The following PTPRD variants were observed in gnomAD, a reference collection of about 807,000 sequenced individuals.
The protein encoded by PTPRD is protein tyrosine phosphatase receptor type D.
A neutral mutation model predicts 214.5 loss-of-function variants in PTPRD; 34 were observed. That is an observed-to-expected ratio of 0.16 (90% CI 0.12 to 0.21). The LOEUF (loss-of-function observed/expected upper bound fraction) is 0.21. Ranked by LOEUF, PTPRD falls within the 10% of genes least tolerant of loss-of-function variation. The pLI is 1.00. For missense variants in PTPRD, 2,545 were observed against 2,398.7 expected (o/e 1.06, Z -1.27); for synonymous variants, 1,128 against 845.7 (o/e 1.33, Z -5.79).
intron 3 of PTPRD, among the ~76,000 whole-genome samples, chr9:10,259,972 G>C (rs549345684): frequency 6.6e-6 from 1 of 152,308 alleles, no homozygotes; most frequent in South Asian, 2.1e-4. Context: ...CAGTGGAGCT[G>C]AGTTCATCTC....
chr9:8,773,622 A>T (rs575328973), intron 11 of PTPRD, among the ~76,000 whole-genome samples: 40 of 152,298 alleles, frequency 2.6e-4, no homozygotes, highest in African/African-American at 8.9e-4. Flanking sequence ...AAAATCTGAT[A>T]ATGTAAATCC....
intron 3 of PTPRD, among the ~76,000 whole-genome samples, chr9:10,167,023 GAA>G (rs1564267494): frequency 6.6e-6 from 1 of 151,904 alleles, no homozygotes; most frequent in African/African-American, 2.4e-5. Flanking sequence ...TTCACTTTCA[GAA>G]TTGTTATTAA....
At chr9:9,909,424 A>T (rs1287799469) in intron 5 of PTPRD, among the ~76,000 whole-genome samples, 1 of 150,450 alleles carries the variant, frequency 6.6e-6, no homozygotes, top group Admixed American at 6.7e-5. Context: ...AAATATTTAC[A>T]TATCTGTATA....
chr9:8,403,099 C>A (rs1023838395), intron 36 of PTPRD, among the ~76,000 whole-genome samples: 6 of 152,024 alleles, frequency 3.9e-5, no homozygotes. Flanking sequence ...GTATTAATGG[C>A]CTATGGTGCC....
chr9:8,899,735 G>A (rs549095736), intron 11 of PTPRD, among the ~76,000 whole-genome samples: 1 of 152,304 alleles, frequency 6.6e-6, no homozygotes, highest in African/African-American at 2.4e-5. Context: ...TCACAATGGG[G>A]ATTGCTAAAT....
chr9:9,118,894 G>A (rs182668025), intron 10 of PTPRD, among the ~76,000 whole-genome samples: 3 of 152,162 alleles, frequency 2.0e-5, no homozygotes, highest in Non-Finnish European at 4.4e-5. Context: ...TCTAACAAAA[G>A]TGATGCACAT....
chr9:9,123,440 C>T (rs945137164), intron 10 of PTPRD, among the ~76,000 whole-genome samples: 60 of 152,154 alleles, frequency 3.9e-4, no homozygotes, highest in African/African-American at 1.4e-3. Flanking sequence ...AGACTGACAG[C>T]TACATGCTAT....
chr9:8,716,884 A>C (rs1033261103), intron 12 of PTPRD, among the ~76,000 whole-genome samples: 6 of 152,202 alleles, frequency 3.9e-5, no homozygotes, highest in Non-Finnish European at 2.9e-5. Context: ...ATGAATAAAT[A>C]AACTTGTATG....
intron 2 of PTPRD, among the ~76,000 whole-genome samples, chr9:10,558,107 A>G (rs1411987091): frequency 2.0e-5 from 3 of 152,174 alleles, no homozygotes; most frequent in African/African-American, 4.8e-5. Context: ...CAAATTCCTT[A>G]AACTGGACAA....
At chr9:8,351,619 T>C (rs900099891) in intron 39 of PTPRD, among the ~76,000 whole-genome samples, 2 of 151,802 alleles carry the variant, frequency 1.3e-5, no homozygotes, top group African/African-American at 4.8e-5. Flanking sequence ...GTCTGGGTGA[T>C]GTTGGCAGCT....
At chr9:8,890,149 A>C (rs184466547) in intron 11 of PTPRD, among the ~76,000 whole-genome samples, 1 of 152,352 alleles carries the variant, frequency 6.6e-6, no homozygotes, top group African/African-American at 2.4e-5. Flanking sequence ...AATATATGTC[A>C]GAATATTCTC....
At chr9:8,751,000 G>A (rs1159906867) in intron 11 of PTPRD, among the ~76,000 whole-genome samples, 1 of 152,142 alleles carries the variant, frequency 6.6e-6, no homozygotes, top group Non-Finnish European at 1.5e-5. Context: ...CTTGGACATA[G>A]CCATTAAGCT....
intron 9 of PTPRD, among the ~76,000 whole-genome samples, chr9:9,325,613 A>G (rs551720189): frequency 7.2e-5 from 11 of 152,286 alleles, no homozygotes; most frequent in Non-Finnish European, 1.5e-4. Context: ...GGGGTTTTCT[A>G]GATATACAAT....
intron 10 of PTPRD, among the ~76,000 whole-genome samples, chr9:9,081,701 T>C (rs1041409659): frequency 6.6e-6 from 1 of 152,112 alleles, no homozygotes; most frequent in Non-Finnish European, 1.5e-5. Flanking sequence ...CATATATATT[T>C]AGGAGAGTTA....
intron 10 of PTPRD, among the ~76,000 whole-genome samples, chr9:9,148,514 A>T (rs1403664591): frequency 6.6e-6 from 1 of 152,206 alleles, no homozygotes; most frequent in Non-Finnish European, 1.5e-5. Flanking sequence ...CGTGTCATGA[A>T]CACCAAGTAC....
intron 3 of PTPRD, among the ~76,000 whole-genome samples, chr9:10,219,483 A>T (rs913194283): frequency 5.3e-5 from 8 of 151,752 alleles, no homozygotes; most frequent in African/African-American, 1.9e-4. Context: ...ATTTACGAGC[A>T]AAGGAATGTA....
chr9:8,318,037 T>C lies in PTPRD; in HGVS notation c.5671-95A>G. On this transcript the variant is annotated intron_variant, in intron 45 of 45. Transcript: ENST00000381196. Reference sequence around the variant, plus strand: ...ATCAATATTGCATAACAAAATAACATCTATATAGGGGCAAAATCACTACTT... The same window carrying C: ...ATCAATATTGCATAACAAAATAACACCTATATAGGGGCAAAATCACTACTT... 3.3e-6 allele frequency: 4 copies of C among 1,226,728 alleles called. No individual in the cohort carries two copies. The South Asian group carries it at 5.0e-5, about 15-fold the overall frequency. The allele number at this position is 1,226,728 out of a possible 1,614,324, so 76.0% of individuals were successfully genotyped here. A position where few individuals can be genotyped will look rare whatever the true frequency, so the allele number is the denominator to read the frequency against.
At chr9:9,045,675 T>A (rs147980469) in intron 10 of PTPRD, among the ~76,000 whole-genome samples, 3 of 152,314 alleles carry the variant, frequency 2.0e-5, no homozygotes, top group African/African-American at 7.2e-5. Context: ...AAACTCTGCA[T>A]AAATTCTCCT....
intron 5 of PTPRD, among the ~76,000 whole-genome samples, chr9:9,894,455 A>AT (rs1374118039): frequency 6.6e-6 from 1 of 151,870 alleles, no homozygotes; most frequent in Non-Finnish European, 1.5e-5. Flanking sequence ...TTTAAATTCA[A>AT]TTTTTAACTT....
Sources: gnomAD v4.1 joint callset for allele counts (sites outside exome capture counted in the v4.1 genomes callset) on GRCh38, gnomAD v4.1.1 for gene constraint, MANE v1.5 for transcripts, NCBI Gene and HGNC (gene_info 2026-07-23, HGNC 2026-07-21) for gene names.